The following ERG variants were observed in gnomAD, a reference collection of about 807,000 sequenced individuals.
ERG encodes the protein ETS transcription factor ERG, also known as transcriptional regulator ERG.
In ERG, 9 loss-of-function variants were observed where a neutral mutation model predicts 55.3. The observed-to-expected ratio is 0.16, with a 90% confidence interval of 0.10 to 0.28. ERG has a LOEUF of 0.28. Ranked by LOEUF, ERG falls within the 10% of genes least tolerant of loss-of-function variation. The pLI, the probability that ERG is intolerant of heterozygous loss-of-function variation, is 1.00. For synonymous variants in ERG, 223 were observed against 237.3 expected (o/e 0.94, Z 0.55); for missense variants, 434 against 631.6 (o/e 0.69, Z 3.35).
intron 1 of ERG, among the ~76,000 whole-genome samples, chr21:38,641,509 T>G (rs1308535685): frequency 1.3e-5 from 2 of 152,192 alleles, no homozygotes; most frequent in African/African-American, 4.8e-5. Flanking sequence ...CATCTGCCCC[T>G]TCCCACCACA....
At chr21:38,614,291 C>G (rs773013977) in intron 1 of ERG, among the ~76,000 whole-genome samples, 3 of 152,142 alleles carry the variant, frequency 2.0e-5, no homozygotes, top group Non-Finnish European at 4.4e-5. Flanking sequence ...ACACATTCTC[C>G]CCTTGTTCTT....
At chr21:38,534,917 T>C (rs1177351571) in intron 2 of ERG, among the ~76,000 whole-genome samples, 2 of 152,164 alleles carry the variant, frequency 1.3e-5, no homozygotes, top group African/African-American at 4.8e-5. Context: ...CATTGTACAA[T>C]ATAGATGAAT....
intron 1 of ERG, among the ~76,000 whole-genome samples, chr21:38,650,551 C>T (rs2060482780): frequency 6.6e-6 from 1 of 152,070 alleles, no homozygotes. Context: ...GCACAAGAAT[C>T]GCTTGAACCC....
chr21:38,572,065 A>G (rs973315603), intron 2 of ERG, among the ~76,000 whole-genome samples: 1 of 152,072 alleles, frequency 6.6e-6, no homozygotes, highest in African/African-American at 2.4e-5. Flanking sequence ...ATTTATAAGA[A>G]CTTCCTTCCG....
intron 1 of ERG, chr21:38,451,156 A>T (rs573495103): frequency 6.0e-6 from 3 of 496,656 alleles, no homozygotes; most frequent in South Asian, 4.4e-5. Flanking sequence ...GAGGGAAGAG[A>T]CAGAAGAAAG....
downstream of ERG, among the ~76,000 whole-genome samples, chr21:38,376,245 A>G (rs1188222809): frequency 6.6e-6 from 1 of 152,208 alleles, no homozygotes; most frequent in Non-Finnish European, 1.5e-5. Flanking sequence ...AGGTTAGAAA[A>G]TATGATGAGG....
chr21:38,373,999 A>G, the ERG span, among the ~76,000 whole-genome samples: 1 of 152,222 alleles, frequency 6.6e-6, no homozygotes, highest in African/African-American at 2.4e-5. Context: ...TGTTTAGATC[A>G]TCCCCCAATA....
At chr21:38,430,723 C>T (rs975445055) in intron 2 of ERG, among the ~76,000 whole-genome samples, 17 of 152,194 alleles carry the variant, frequency 1.1e-4, no homozygotes, top group African/African-American at 4.1e-4. Context: ...AAAAGCCAGC[C>T]ATAACACCTC....
At chr21:38,456,125 A>G (rs1313778849) in intron 1 of ERG, among the ~76,000 whole-genome samples, 1 of 152,248 alleles carries the variant, frequency 6.6e-6, no homozygotes, top group Non-Finnish European at 1.5e-5. Flanking sequence ...TCTTTCAGCC[A>G]TAGCCAGGCT....
At chr21:38,548,561 C>T (rs1482769002) in intron 2 of ERG, among the ~76,000 whole-genome samples, 2 of 150,300 alleles carry the variant, frequency 1.3e-5, no homozygotes, top group Non-Finnish European at 3.0e-5. Context: ...CATTCTCCTG[C>T]CTCAGCCTCC....
At chr21:38,660,233 T>C (rs1163317389) in intron 1 of ERG, among the ~76,000 whole-genome samples, 1 of 152,222 alleles carries the variant, frequency 6.6e-6, no homozygotes, top group Non-Finnish European at 1.5e-5. Context: ...CAAGGACAAA[T>C]AACCTCTTGG....
intron 2 of ERG, among the ~76,000 whole-genome samples, chr21:38,552,814 C>A (rs1203429566): frequency 6.9e-6 from 1 of 144,582 alleles, no homozygotes. Flanking sequence ...CAATATAGTA[C>A]TGGAAGTCCT....
chr21:38,556,412 T>C (rs1341710297), intron 2 of ERG, among the ~76,000 whole-genome samples: 2 of 152,176 alleles, frequency 1.3e-5, no homozygotes, highest in African/African-American at 4.8e-5. Context: ...GATTATTATT[T>C]TGTAGTCACC....
At chr21:38,546,536 C>T (rs1300600128) in intron 2 of ERG, among the ~76,000 whole-genome samples, 1 of 152,196 alleles carries the variant, frequency 6.6e-6, no homozygotes, top group African/African-American at 2.4e-5. Context: ...GACACAAGCG[C>T]CCACAAACCT....
chr21:38,589,931 C>CA (rs1568934755), intron 1 of ERG, among the ~76,000 whole-genome samples: 1 of 152,150 alleles, frequency 6.6e-6, no homozygotes, highest in African/African-American at 2.4e-5. Context: ...CTCTAGTAGC[C>CA]ATGTTCAAAA....
At chr21:38,608,710 C>T (rs2060209677) in intron 1 of ERG, among the ~76,000 whole-genome samples, 1 of 152,122 alleles carries the variant, frequency 6.6e-6, no homozygotes, top group Admixed American at 6.5e-5. Flanking sequence ...CAATTTCTTT[C>T]ACCCTCTATG....
At chr21:38,605,003 G>A (rs1475341452) in intron 1 of ERG, among the ~76,000 whole-genome samples, 1 of 152,156 alleles carries the variant, frequency 6.6e-6, no homozygotes, top group Non-Finnish European at 1.5e-5. Context: ...ACAATCTTCA[G>A]TGTTTCCTAG....
intron 1 of ERG, among the ~76,000 whole-genome samples, chr21:38,458,015 C>G (rs1222416835): frequency 1.3e-5 from 2 of 152,168 alleles, no homozygotes; most frequent in Non-Finnish European, 2.9e-5. Context: ...AAAAAAAGTG[C>G]AAAGAACAGG....
rs1206304179 is a variant in ERG, at chr21:38,520,031, A to T, written c.-41+55631T>A. ...CAGACACACACACATACACACACACACAACAAAAACAAAAAAAACTTCCAG... is the reference window on the plus strand; with the variant it reads ...CAGACACACACACATACACACACACTCAACAAAAACAAAAAAAACTTCCAG... On this transcript the variant is annotated intron_variant, in intron 2 of 8. Coordinates refer to the ERG transcript ENST00000398897. Among the ~76,000 whole-genome samples, 5 of 52,056 alleles carry T rather than the reference A, an allele frequency of 9.6e-5. No individual in the cohort carries two copies. In the East Asian group the frequency reaches 2.0e-3, roughly 20 times the overall value. 34.2% of individuals were successfully genotyped at this position (52,056 alleles called of 152,430 possible).
Sources: allele counts gnomAD v4.1 joint callset (sites outside exome capture counted in the v4.1 genomes callset), GRCh38; gene constraint gnomAD v4.1.1; transcripts MANE v1.5; gene names NCBI Gene and HGNC (gene_info 2026-07-23, HGNC 2026-07-21).